Variants in GMPPA observed in about 807,000 individuals in gnomAD.
The protein encoded by GMPPA is GDP-mannose pyrophosphorylase A.
Under a neutral mutation model 58.6 loss-of-function variants are expected in GMPPA, and 46 were observed. The ratio of observed to expected loss-of-function variants is 0.78; its 90% CI spans 0.62 to 1.00. The LOEUF is 1.00. GMPPA is among the 50% of genes least tolerant of loss of function. The pLI is 0.00. For missense variants in GMPPA, 468 were observed against 556.4 expected, an observed-to-expected ratio of 0.84 and a Z score of 1.60; for synonymous variants, 211 against 214.9, an observed-to-expected ratio of 0.98 and a Z score of 0.16.
At chr2:219,505,026 A>G in intron 7 of GMPPA, 2 of 837,524 alleles carry the variant, frequency 2.4e-6, no homozygotes, top group Non-Finnish European at 3.5e-6. Flanking sequence ...CCCTTGTGAT[A>G]GCACCCACCC....
chr2:219,501,744 C>CT, intron 4 of GMPPA, 107 bp from the exon 5 acceptor site: 1 of 1,008,700 alleles, frequency 9.9e-7, no homozygotes, highest in South Asian at 1.4e-5. Context: ...CTCTGTGGGC[C>CT]TTGGGCAGGA....
chr2:219,502,608 G>C lies in GMPPA; in HGVS notation c.489+167G>C, dbSNP rs1404114769. Among the ~76,000 whole-genome samples, 1 of 151,994 alleles carries C rather than the reference G, an allele frequency of 6.6e-6. No individual in the cohort carries two copies. The highest frequency in any genetic ancestry group is 2.4e-5 in the African/African-American group (1 of 41,370). On this transcript the variant is annotated intron_variant, in intron 6 of 12. Transcript: ENST00000313597. This position sits in a 1 kb window ranked among gnomAD's most constrained non-coding sequence, Gnocchi z 4.0. ...TATCCCTTTAAGAGAGATTGACCAG[G>C]GGGAGGGGGGGAATGGTTAATTTCC...
At chr2:219,506,611 G>A (rs1011828585) in intron 12 of GMPPA, 87 bp from the exon 13 acceptor site, 3 of 980,338 alleles carry the variant, frequency 3.1e-6, no homozygotes, top group Non-Finnish European at 4.7e-6. Flanking sequence ...GGGCAGGAGG[G>A]CTCCCTCCCT....
Position 219,501,999 on chromosome 2 carries a change from C to T in GMPPA, c.391C>T (p.Arg131Ter), listed in dbSNP as rs1455735986. ...CTTGAGTGCTATGTTGGAAGCCCAC[C>T]GACGCCAGCGTCACCCTTTCTTACT... The part of the protein sequence containing the change: ...FPLSAMLEAH[R>*]RQRHPFLLLG... Residue 131 changes from arginine to a stop codon, truncating the protein, a stop_gained, in exon 5 of 13, where the codon CGA becomes TGA. Transcript: ENST00000313597. LOFTEE classifies it high-confidence loss of function. 9 of 1,614,104 alleles carry T rather than the reference C, an allele frequency of 5.6e-6. No individual in the cohort carries two copies. The highest frequency in any genetic ancestry group is 2.2e-5 in the South Asian group (2 of 91,086).
intron 3 of GMPPA, 185 bp from the exon 4 acceptor site, chr2:219,501,291 C>T (rs943582290): frequency 3.3e-6 from 2 of 597,498 alleles, no homozygotes; most frequent in Admixed American, 2.9e-5. Flanking sequence ...GAAAAAAGAT[C>T]AGGCCTCCGA....
Position 219,505,541 on chromosome 2 carries a change from G to A in GMPPA, c.839G>A (p.Gly280Asp). 3 of 1,567,238 alleles carry A rather than the reference G, an allele frequency of 1.9e-6. No individual in the cohort carries two copies. The highest frequency in any genetic ancestry group is 2.6e-6 in the Non-Finnish European group (3 of 1,155,954). Residue 280 changes from glycine (G) to aspartate (D), a missense_variant, in exon 9 of 13, where the codon GGC becomes GAC. Gly to Asp is a moderately conservative substitution (Grantham distance 94). Coordinates refer to ENST00000313597, the MANE Select transcript of GMPPA (RefSeq NM_013335.4). ...PERLAKHTPGGPWIRGNVYIH... is the reference protein window; with the variant it reads ...PERLAKHTPGDPWIRGNVYIH... ...CGGCTGGCCAAGCACACCCCAGGGGGCCCATGGATCCGAGGTACCCAGCCT... is the reference window on the plus strand; with the variant it reads ...CGGCTGGCCAAGCACACCCCAGGGGACCCATGGATCCGAGGTACCCAGCCT...
intron 11 of GMPPA, 72 bp downstream of exon 11, chr2:219,506,144 G>T: frequency 6.8e-7 from 1 of 1,465,386 alleles, no homozygotes; most frequent in South Asian, 1.2e-5. Context: ...ATCCCCCCAA[G>T]AACAGAGAAG....
intron 9 of GMPPA, 44 bp downstream of exon 9, chr2:219,505,599 G>C (rs1694554049): frequency 1.3e-6 from 2 of 1,571,030 alleles, no homozygotes; most frequent in South Asian, 2.3e-5. Flanking sequence ...TTCCACCCCA[G>C]CCCTCTGAAC....
intron 1 of GMPPA, among the ~76,000 whole-genome samples, chr2:219,499,580 TG>T (rs1421734783): frequency 6.6e-6 from 1 of 152,168 alleles, no homozygotes; most frequent in Non-Finnish European, 1.5e-5. Flanking sequence ...GATCAAATTG[TG>T]GGGTGTGAAT....
At position 219,501,598 on chromosome 2, in the gene GMPPA, G is replaced by T. The variant is rs201263031; in HGVS notation, c.242+19G>T. The T allele has an allele frequency of 2.8e-6, 4 of 1,450,672 alleles. No individual in the cohort carries two copies. Among genetic ancestry groups the T allele is most frequent in the Non-Finnish European group, 3.9e-6 (4 of 1,030,596 alleles). 89.9% of individuals were successfully genotyped at this position (1,450,672 alleles called of 1,614,324 possible). ...CAGTCAGGTGTTTGTGCACACACTC[G>T]TATATGGGGGGGTGGGGATGCCCTA... On this transcript the variant is annotated intron_variant, in intron 4 of 12. Transcript: ENST00000313597.
intron 7 of GMPPA, chr2:219,504,497 C>A: frequency 1.9e-6 from 1 of 516,994 alleles, no homozygotes; most frequent in South Asian, 2.5e-5. Flanking sequence ...TCAGAACAGA[C>A]AGCAACACAC....
At position 219,506,864 on chromosome 2, in the gene GMPPA, C is replaced by A. The variant is rs1694613462; in HGVS notation, c.*66C>A. 2 of 804,430 alleles carry A rather than the reference C, an allele frequency of 2.5e-6. No individual in the cohort carries two copies. The allele number at this position is 804,430 out of a possible 1,614,324, so 49.8% of individuals were successfully genotyped here. On this transcript the variant is annotated 3_prime_UTR_variant, in exon 13 of 13. Transcript: ENST00000313597. ...TTGAGGCTGCTGCCTGCTTGGCCAG[C>A]CTCTGTCCAGAAAGGACCAGAGAAA...
intron 6 of GMPPA, among the ~76,000 whole-genome samples, chr2:219,503,119 C>T (rs1694457187): frequency 1.3e-5 from 2 of 151,904 alleles, no homozygotes; most frequent in East Asian, 3.9e-4. Context: ...TAGGCATGAG[C>T]CACCATGCCC....
In GMPPA at chr2:219,505,237, A is replaced by T. The variant is rs189891822; in HGVS notation, c.630A>T (p.Ser210=). ...TCTTCCTCTCTGCCAGGGAGGACTC[A>T]CCAGGCTTGTGGCCAGGGGCAGGTA... The part of the protein sequence containing the change: ...RNQQDGQLED[S]PGLWPGAGTI... The change falls in exon 8 of 13, where the codon TCA becomes TCT. Residue 210 remains serine (S), a synonymous_variant. Coordinates refer to ENST00000313597, the MANE Select transcript of GMPPA (RefSeq NM_013335.4). 23 of 1,613,918 alleles carry T rather than the reference A, an allele frequency of 1.4e-5. No individual in the cohort carries two copies. In the Admixed American group the frequency reaches 3.5e-4, roughly 25 times the overall value.
intron 7 of GMPPA, 174 bp downstream of exon 7, chr2:219,504,387 G>C (rs536815122): frequency 3.2e-6 from 2 of 616,634 alleles, no homozygotes; most frequent in Non-Finnish European, 5.7e-6. Context: ...ACCTCATTCT[G>C]TCCCTCTTCC....
At position 219,506,815 on chromosome 2, in the gene GMPPA, G is replaced by A. The variant is rs1376419001; in HGVS notation, c.*17G>A. Reference sequence around the variant, plus strand: ...ATCCTCTGAGTAGGGCTGCCAGAAGGCCCCCAGCTCCTACCCACTCCCCTT... The same window carrying A: ...ATCCTCTGAGTAGGGCTGCCAGAAGACCCCCAGCTCCTACCCACTCCCCTT... On this transcript the variant is annotated 3_prime_UTR_variant, in exon 13 of 13. Coordinates refer to ENST00000313597, the MANE Select transcript of GMPPA (RefSeq NM_013335.4). 2.5e-6 allele frequency: 3 copies of A among 1,223,448 alleles called. No homozygotes were observed. The highest frequency in any genetic ancestry group is 2.3e-5 in the East Asian group (1 of 43,028). The allele number at this position is 1,223,448 out of a possible 1,614,324, so 75.8% of individuals were successfully genotyped here.
In GMPPA at chr2:219,504,136, C is replaced by T. The variant is rs142397363; in HGVS notation, c.543C>T (p.Cys181=). The T allele has an allele frequency of 7.4e-6, 12 of 1,613,532 alleles. No homozygotes were observed. The highest frequency in any genetic ancestry group is 2.7e-5 in the African/African-American group (2 of 75,022). The change falls in exon 7 of 13, where the codon TGC becomes TGT. Residue 181 remains cysteine (C), a synonymous_variant. Transcript: ENST00000313597. The part of the protein sequence containing the change: ...PSTFISDIIN[C]GIYLFSPEAL... ...CATTTATCAGTGACATCATCAACTG[C>T]GGCATCTACCTCTTTTCTCCTGAAG...
intron 11 of GMPPA, 31 bp from the exon 12 acceptor site, chr2:219,506,223 T>TC: frequency 1.9e-6 from 3 of 1,584,714 alleles, no homozygotes; most frequent in Non-Finnish European, 2.6e-6. Context: ...TCCTGCCTCT[T>TC]CCCCTTACCT....
chr2:219,501,726 TAG>T (rs1301491892), intron 4 of GMPPA, 123 bp from the exon 5 acceptor site: 2 of 918,484 alleles, frequency 2.2e-6, no homozygotes, highest in Non-Finnish European at 3.5e-6. Flanking sequence ...TCTGAGTATA[TAG>T]AGTTTCTCTG....
Sources: gnomAD v4.1 joint callset for allele counts (sites outside exome capture counted in the v4.1 genomes callset) on GRCh38, gnomAD v4.1.1 for gene constraint, Gnocchi (gnomAD v3.1) non-coding constraint, MANE v1.5 for transcripts, NCBI Gene and HGNC (gene_info 2026-07-23, HGNC 2026-07-21) for gene names.